KIAA1671: variants seen among roughly 807,000 people sequenced by gnomAD.
The protein encoded by KIAA1671 is uncharacterized protein KIAA1671.
Under a neutral mutation model 131.2 loss-of-function variants are expected in KIAA1671, and 52 were observed. That is an observed-to-expected ratio of 0.40 (90% CI 0.32 to 0.50). The LOEUF (loss-of-function observed/expected upper bound fraction) is 0.50. Among genes scored for constraint, KIAA1671 ranks in the 20% least tolerant of loss-of-function variants. The pLI is 0.73. For synonymous variants in KIAA1671, 1,003 were observed against 961.6 expected (o/e 1.04, Z -0.80); for missense variants, 2,360 against 2,364.2 (o/e 1.00, Z 0.04).
At chr22:24,972,939 C>G (rs1032003715) in intron 1 of KIAA1671, among the ~76,000 whole-genome samples, 1 of 152,086 alleles carries the variant, frequency 6.6e-6, no homozygotes, top group African/African-American at 2.4e-5. Flanking sequence ...GGGGAGGGCT[C>G]TGGGAGGAAG....
At chr22:25,154,651 A>T (rs377413123) in intron 6 of KIAA1671, among the ~76,000 whole-genome samples, 30 of 152,346 alleles carry the variant, frequency 2.0e-4, no homozygotes, top group African/African-American at 6.7e-4. Context: ...ATGGAATGTC[A>T]GCCCGACTGG....
intron 1 of KIAA1671, among the ~76,000 whole-genome samples, chr22:25,001,269 ATGCATGTGTATGTGTG>A (rs1924468052): frequency 6.6e-6 from 1 of 151,842 alleles, no homozygotes; most frequent in Admixed American, 6.6e-5. Context: ...GTGTATATAT[ATGCATGTGTATGTGTG>A]TGCATGTGTA....
chr22:25,077,335 T>C (rs1214670816), intron 6 of KIAA1671, among the ~76,000 whole-genome samples: 1 of 152,184 alleles, frequency 6.6e-6, no homozygotes, highest in African/African-American at 2.4e-5. Context: ...TAGCTAAGAA[T>C]AAGGGGCATT....
intron 1 of KIAA1671, among the ~76,000 whole-genome samples, chr22:24,981,729 G>A (rs1306738604): frequency 2.0e-5 from 3 of 152,270 alleles, no homozygotes; most frequent in South Asian, 2.1e-4. Context: ...GCAACGTGAC[G>A]AGACCCCATC....
At chr22:25,074,064 G>T (rs1928968374) in intron 6 of KIAA1671, among the ~76,000 whole-genome samples, 2 of 152,024 alleles carry the variant, frequency 1.3e-5, no homozygotes, top group South Asian at 4.1e-4. Flanking sequence ...GTAGTATTTT[G>T]TCTTTCTGTG....
chr22:24,959,306 G>A (rs1921889735), intron 1 of KIAA1671, among the ~76,000 whole-genome samples: 2 of 151,878 alleles, frequency 1.3e-5, no homozygotes, highest in South Asian at 4.2e-4. Context: ...AGGAGTTTGA[G>A]ACCAGCATGG....
intron 6 of KIAA1671, among the ~76,000 whole-genome samples, chr22:25,092,749 C>T (rs2145879970): frequency 6.6e-6 from 1 of 152,210 alleles, no homozygotes; most frequent in South Asian, 2.1e-4. Context: ...AGTGTCTGGC[C>T]CGAATAACAG....
rs529460927 is a variant in KIAA1671, at chr22:25,179,832, A to G, written c.5075-1867A>G. ...GTCTTTTTTCTGTATTCCTGAGTTG[A>G]AAGATCAGTCCATATATTATCAATC... is the stretch of plus-strand genomic sequence containing the variant. On this transcript the variant is annotated intron_variant, in intron 9 of 12. Coordinates refer to ENST00000358431, the MANE Select transcript of KIAA1671 (RefSeq NM_001145206.2). 5.3e-5 allele frequency among the ~76,000 whole-genome samples: 8 copies of G among 152,276 alleles called. No individual in the cohort carries two copies. In the South Asian group the frequency reaches 1.7e-3, roughly 32 times the overall value.
chr22:25,130,481 TG>T (rs1932393775), intron 6 of KIAA1671, among the ~76,000 whole-genome samples: 1 of 152,224 alleles, frequency 6.6e-6, no homozygotes, highest in Admixed American at 6.5e-5. Context: ...CCCGATTAGC[TG>T]TTATATAAAT....
chr22:25,146,559 G>T (rs1288528759), intron 6 of KIAA1671, among the ~76,000 whole-genome samples: 2 of 152,170 alleles, frequency 1.3e-5, no homozygotes, highest in Non-Finnish European at 2.9e-5. Context: ...AAGAAACTTA[G>T]GAAGTGACAT....
intron 4 of KIAA1671, among the ~76,000 whole-genome samples, chr22:25,033,889 T>A (rs1286735007): frequency 6.6e-6 from 1 of 151,998 alleles, no homozygotes; most frequent in Non-Finnish European, 1.5e-5. Context: ...CCAGTTTTTT[T>A]AAAAACAGCT....
chr22:25,036,111 G>A (rs1263321551), intron 4 of KIAA1671, among the ~76,000 whole-genome samples: 2 of 151,954 alleles, frequency 1.3e-5, no homozygotes, highest in Non-Finnish European at 2.9e-5. Context: ...ATGGAATTTC[G>A]CTCTTGTTGC....
intron 5 of KIAA1671, among the ~76,000 whole-genome samples, chr22:25,046,129 C>G (rs1015292742): frequency 1.3e-5 from 2 of 151,970 alleles, no homozygotes; most frequent in Middle Eastern, 3.4e-3. Context: ...TGGTGAAACT[C>G]CATCTCTACT....
chr22:25,118,832 T>A (rs1459553057), intron 6 of KIAA1671, among the ~76,000 whole-genome samples: 1 of 152,138 alleles, frequency 6.6e-6, no homozygotes, highest in Non-Finnish European at 1.5e-5. Context: ...CTCCTGCTCT[T>A]CGTCAGTCAC....
intron 1 of KIAA1671, among the ~76,000 whole-genome samples, chr22:24,999,349 G>A (rs892069126): frequency 9.2e-5 from 14 of 152,034 alleles, no homozygotes; most frequent in Non-Finnish European, 1.2e-4. Flanking sequence ...ACCCACCTCA[G>A]CCTCCTGGGT....
chr22:25,008,253 C>G (rs1255458184), intron 1 of KIAA1671, among the ~76,000 whole-genome samples: 1 of 150,616 alleles, frequency 6.6e-6, no homozygotes, highest in Non-Finnish European at 1.5e-5. Flanking sequence ...ACACCATTGG[C>G]TCACCAATTC....
chr22:25,029,631 C>T (rs1926164097), intron 3 of KIAA1671, 91 bp downstream of exon 3: 2 of 652,706 alleles, frequency 3.1e-6, no homozygotes, highest in African/African-American at 8.5e-5. Context: ...GCACTTGTCA[C>T]CCCCCCTCAG....
chr22:25,039,184 G>A lies in KIAA1671; in HGVS notation c.2054G>A (p.Gly685Glu). The A allele has an allele frequency of 1.9e-6, 3 of 1,552,018 alleles. No homozygotes were observed. The highest frequency in any genetic ancestry group is 2.6e-6 in the Non-Finnish European group (3 of 1,147,114). Residue 685 changes from glycine (G) to glutamate (E), a missense_variant, in exon 5 of 13, where the codon GGA becomes GAA. Physicochemically the swap from Gly to Glu is moderately conservative, Grantham distance 98 (BLOSUM62 -2). Transcript: ENST00000358431. Reference sequence around the variant, plus strand: ...GACAATCCCGAGACGGAGAAATTGGGACCAACCACCCTTTTGAATGGTGAA... The same window carrying A: ...GACAATCCCGAGACGGAGAAATTGGAACCAACCACCCTTTTGAATGGTGAA... ...GFDNPETEKL[G>E]PTTLLNGELR...
intron 6 of KIAA1671, among the ~76,000 whole-genome samples, chr22:25,099,426 C>G (rs899348286): frequency 6.6e-6 from 1 of 151,844 alleles, no homozygotes; most frequent in Non-Finnish European, 1.5e-5. Context: ...ACAATATGTC[C>G]TGTCAGCTCT....
Sources: gnomAD v4.1 joint callset for allele counts (sites outside exome capture counted in the v4.1 genomes callset) on GRCh38, gnomAD v4.1.1 for gene constraint, MANE v1.5 for transcripts, NCBI Gene and HGNC (gene_info 2026-07-23, HGNC 2026-07-21) for gene names.